Variants in EDA observed in about 807,000 individuals in gnomAD.
EDA encodes the protein ectodysplasin-A.
A neutral mutation model predicts 23.6 loss-of-function variants in EDA; 2 were observed. The ratio of observed to expected loss-of-function variants is 0.08; its 90% CI spans 0.03 to 0.27. The LOEUF is 0.27. Ranked by LOEUF, EDA falls within the 10% of genes least tolerant of loss-of-function variation. EDA has a pLI of 1.00. For missense variants in EDA, 229 were observed against 324.2 expected (o/e 0.71, Z 2.26); for synonymous variants, 131 against 132.0 (o/e 0.99, Z 0.05).
chrX:70,034,075 T>C (rs993803803), intron 7 of EDA, among the ~76,000 whole-genome samples: 1 of 111,731 alleles, frequency 9.0e-6, no homozygotes, highest in Admixed American at 9.5e-5. Flanking sequence ...GCTGTCATTC[T>C]CCCAGCCCTT....
At chrX:69,889,837 C>A (rs772973496) in intron 1 of EDA, among the ~76,000 whole-genome samples, 1 of 111,217 alleles carries the variant, frequency 9.0e-6, no homozygotes, top group Non-Finnish European at 1.9e-5. Flanking sequence ...CTTTTGGTGT[C>A]ATATCTAAAA....
In EDA at chrX:69,663,377, C is replaced by T. The variant is rs149025386; in HGVS notation, c.396+46673C>T. On this transcript the variant is annotated intron_variant, in intron 1 of 7. Transcript: ENST00000374552. ...GGCTAAAAGGGGCCAAGGTACAACT[C>T]GGCCTGTGACTTCAGAGGGTGCAAG... Among the ~76,000 whole-genome samples the T allele has an allele frequency of 2.3e-3, 262 of 112,415 alleles. 1 individual carries two copies. Among genetic ancestry groups the T allele is most frequent in the African/African-American group, 8.0e-3 (247 of 31,028 alleles).
chrX:69,751,820 C>T (rs934854629), intron 1 of EDA, among the ~76,000 whole-genome samples: 1 of 109,781 alleles, frequency 9.1e-6, no homozygotes, highest in Non-Finnish European at 1.9e-5. Flanking sequence ...TGATTTGGCT[C>T]TCTGTTTGTC....
intron 1 of EDA, among the ~76,000 whole-genome samples, chrX:69,956,165 G>T (rs1280964242): frequency 1.8e-5 from 2 of 111,105 alleles, no homozygotes; most frequent in African/African-American, 6.5e-5. Flanking sequence ...CTCAGTATTG[G>T]ATGCACAGCA....
chrX:69,759,953 TGA>T (rs1370636771), intron 1 of EDA, among the ~76,000 whole-genome samples: 2 of 109,075 alleles, frequency 1.8e-5, no homozygotes, highest in Non-Finnish European at 3.8e-5. Flanking sequence ...AGAAGAGGAC[TGA>T]GAGAGAGGGG....
chrX:69,655,762 CTATA>C lies in EDA; in HGVS notation c.396+39080_396+39083del, dbSNP rs3077261. 2.3e-4 allele frequency among the ~76,000 whole-genome samples: 12 copies of C among 52,469 alleles called. 1 individual carries two copies. The highest frequency in any genetic ancestry group is 2.0e-3 in the East Asian group (1 of 509). 45.6% of individuals were successfully genotyped at this position (52,469 alleles called of 115,157 possible). A position where few individuals can be genotyped will look rare whatever the true frequency, so the allele number is the denominator to read the frequency against. On this transcript the variant is annotated intron_variant, in intron 1 of 7. Coordinates refer to ENST00000374552, the MANE Select transcript of EDA (RefSeq NM_001399.5). Reference sequence around the variant, plus strand: ...CCACTATTATTTACATCATTAGAATCTATATATATATATATATATATATATTGCA... The same window carrying C: ...CCACTATTATTTACATCATTAGAATCTATATATATATATATATATATTGCA...
chrX:69,754,900 C>T (rs1032466514), intron 1 of EDA, among the ~76,000 whole-genome samples: 1 of 112,194 alleles, frequency 8.9e-6, no homozygotes, highest in African/African-American at 3.2e-5. Flanking sequence ...GTCTTCAGCT[C>T]CATCAGGTCA....
At chrX:69,688,893 G>A (rs943039694) in intron 1 of EDA, among the ~76,000 whole-genome samples, 1 of 112,288 alleles carries the variant, frequency 8.9e-6, no homozygotes, top group Non-Finnish European at 1.9e-5. Flanking sequence ...AGCAAAGGAA[G>A]ATCTTGTATG....
chrX:69,989,663 A>T (rs1336195189), intron 2 of EDA, among the ~76,000 whole-genome samples: 1 of 111,737 alleles, frequency 8.9e-6, no homozygotes, highest in South Asian at 3.7e-4. Context: ...TCAGCAAAGA[A>T]ATAGAAGTTA....
At chrX:69,905,592 C>G (rs901413315) in intron 1 of EDA, among the ~76,000 whole-genome samples, 2 of 111,567 alleles carry the variant, frequency 1.8e-5, no homozygotes, top group African/African-American at 6.5e-5. Context: ...TCTTGGCATC[C>G]CTTCTCAATA....
chrX:70,026,837 A>C (rs2020111587), intron 3 of EDA, among the ~76,000 whole-genome samples: 1 of 108,054 alleles, frequency 9.3e-6, no homozygotes, highest in Non-Finnish European at 1.9e-5. Flanking sequence ...GTTTCTCAAT[A>C]TCTCTCTCTC....
intron 1 of EDA, among the ~76,000 whole-genome samples, chrX:69,829,712 A>G (rs1027461129): frequency 1.8e-5 from 2 of 111,989 alleles, no homozygotes; most frequent in Admixed American, 9.5e-5. Context: ...TCTTTATGTC[A>G]TCTTTCTTCC....
intron 1 of EDA, among the ~76,000 whole-genome samples, chrX:69,853,464 A>T (rs1255933766): frequency 1.8e-5 from 2 of 111,465 alleles, no homozygotes; most frequent in East Asian, 5.6e-4. Flanking sequence ...AATGGGGGAA[A>T]GGCAATATTT....
At chrX:69,979,787 TATAAG>T (rs1216853633) in intron 2 of EDA, among the ~76,000 whole-genome samples, 1 of 111,877 alleles carries the variant, frequency 8.9e-6, no homozygotes, top group African/African-American at 3.2e-5. Context: ...TCCCATCTCT[TATAAG>T]ATATATTATT....
At chrX:69,782,696 C>G (rs759345211) in intron 1 of EDA, among the ~76,000 whole-genome samples, 1 of 111,749 alleles carries the variant, frequency 8.9e-6, no homozygotes, top group Non-Finnish European at 1.9e-5. Context: ...GCCAATAAAG[C>G]GTCTGGTACC....
At chrX:69,842,224 C>T (rs1374313358) in intron 1 of EDA, among the ~76,000 whole-genome samples, 1 of 111,443 alleles carries the variant, frequency 9.0e-6, no homozygotes, top group African/African-American at 3.3e-5. Context: ...ATCACACATA[C>T]GAGGGATCTA....
At chrX:69,882,852 G>A (rs770278533) in intron 1 of EDA, among the ~76,000 whole-genome samples, 51 of 110,873 alleles carry the variant, frequency 4.6e-4, no homozygotes, top group African/African-American at 1.4e-3. Context: ...ACAGGCATGC[G>A]CCACCATGCC....
chrX:69,897,760 A>G (rs1372534094), intron 1 of EDA, among the ~76,000 whole-genome samples: 3 of 111,938 alleles, frequency 2.7e-5, no homozygotes, highest in Non-Finnish European at 5.6e-5. Context: ...TGGAGACAAG[A>G]AAGGGGCAGG....
chrX:69,781,762 A>G (rs1174601717), intron 1 of EDA, among the ~76,000 whole-genome samples: 1 of 111,302 alleles, frequency 9.0e-6, no homozygotes, highest in Non-Finnish European at 1.9e-5. Context: ...CTATGCAATT[A>G]TATCTGTTAG....
Sources: gnomAD v4.1 joint callset for allele counts (sites outside exome capture counted in the v4.1 genomes callset) on GRCh38, gnomAD v4.1.1 for gene constraint, MANE v1.5 for transcripts, NCBI Gene and HGNC (gene_info 2026-07-23, HGNC 2026-07-21) for gene names.